Variants in RIT2 observed in about 807,000 individuals in gnomAD.
The protein encoded by RIT2 is Ras like without CAAX 2.
In RIT2, 24 loss-of-function variants were observed where a neutral mutation model predicts 23.7. The observed-to-expected ratio is 1.01, with a 90% CI of 0.73 to 1.43. The LOEUF (loss-of-function observed/expected upper bound fraction) is 1.43, where lower values mean the gene tolerates loss of function less well. Ranked by LOEUF, RIT2 falls within the 40% of genes most tolerant of loss-of-function variation. RIT2 has a pLI of 0.00. For synonymous variants in RIT2, 107 were observed against 91.1 expected, an observed-to-expected ratio of 1.17 and a Z score of -0.99; for missense variants, 236 against 266.9, an observed-to-expected ratio of 0.88 and a Z score of 0.81.
chr18:42,925,364 G>T (rs900648936), intron 3 of RIT2, among the ~76,000 whole-genome samples: 3 of 151,888 alleles, frequency 2.0e-5, no homozygotes, highest in East Asian at 1.9e-4. Context: ...GACTGAAAAT[G>T]ATAACATGTT....
chr18:43,102,118 G>T (rs1271724049), intron 1 of RIT2, among the ~76,000 whole-genome samples: 5 of 152,138 alleles, frequency 3.3e-5, no homozygotes, highest in Non-Finnish European at 7.4e-5. Context: ...TTTGAATCTA[G>T]TCCTATTTGA....
intron 4 of RIT2, among the ~76,000 whole-genome samples, chr18:42,854,254 ATAG>A (rs567631625): frequency 3.7e-4 from 56 of 152,288 alleles, no homozygotes; most frequent in Middle Eastern, 3.4e-3. Flanking sequence ...TCTCCAATCA[ATAG>A]GTCAGAGAAG....
intron 2 of RIT2, among the ~76,000 whole-genome samples, chr18:43,005,246 A>G (rs1257096473): frequency 6.6e-6 from 1 of 151,888 alleles, no homozygotes; most frequent in Non-Finnish European, 1.5e-5. Context: ...TTCAAAGGAA[A>G]TATTGTAAAC....
chr18:43,094,624 GT>G (rs1280791793), intron 1 of RIT2, among the ~76,000 whole-genome samples: 1 of 152,014 alleles, frequency 6.6e-6, no homozygotes, highest in Non-Finnish European at 1.5e-5. Flanking sequence ...TAGAATGAAT[GT>G]AGATATTATG....
chr18:42,837,169 T>C (rs996236357), intron 4 of RIT2, among the ~76,000 whole-genome samples: 1 of 103,594 alleles, frequency 9.7e-6, no homozygotes, highest in African/African-American at 4.9e-5. Context: ...TTTTTTTTTT[T>C]TTTTTTTTTT....
intron 4 of RIT2, among the ~76,000 whole-genome samples, chr18:42,851,883 C>T (rs1370305519): frequency 2.0e-5 from 3 of 152,082 alleles, no homozygotes; most frequent in Non-Finnish European, 2.9e-5. Flanking sequence ...GTAAGGGTCT[C>T]ACAGCAGTGC....
At chr18:42,867,139 T>G (rs1276097803) in intron 4 of RIT2, among the ~76,000 whole-genome samples, 1 of 152,162 alleles carries the variant, frequency 6.6e-6, no homozygotes, top group East Asian at 1.9e-4. Context: ...TGCTTTGGAT[T>G]TTTTTAGTAC....
At chr18:42,936,664 C>T (rs1909466801) in intron 3 of RIT2, among the ~76,000 whole-genome samples, 1 of 152,166 alleles carries the variant, frequency 6.6e-6, no homozygotes, top group African/African-American at 2.4e-5. Flanking sequence ...CTCTATACTA[C>T]ATGTGGCATT....
At chr18:42,869,597 T>C (rs1186544852) in intron 4 of RIT2, among the ~76,000 whole-genome samples, 1 of 152,202 alleles carries the variant, frequency 6.6e-6, no homozygotes, top group African/African-American at 2.4e-5. Flanking sequence ...CCAACATTCA[T>C]TTTTAGGCCT....
chr18:42,832,183 C>T (rs569867213), intron 4 of RIT2, among the ~76,000 whole-genome samples: 21 of 152,258 alleles, frequency 1.4e-4, no homozygotes, highest in African/African-American at 5.1e-4. Context: ...AGAGAGGCAG[C>T]TTATGGTCCA....
At chr18:42,927,875 G>T (rs1353723412) in intron 3 of RIT2, among the ~76,000 whole-genome samples, 6 of 152,024 alleles carry the variant, frequency 3.9e-5, no homozygotes, top group East Asian at 1.9e-4. Flanking sequence ...AAGAATTTTT[G>T]ATGTATCTCA....
Position 42,913,197 on chromosome 18 carries a change from C to CAA in RIT2, c.426+10373_426+10374dup, listed in dbSNP as rs200722766. Among the ~76,000 whole-genome samples, 332 of 103,304 alleles carry CAA rather than the reference C, an allele frequency of 3.2e-3. 3 individuals carry two copies. Among genetic ancestry groups the CAA allele is most frequent in the African/African-American group, 8.9e-3 (280 of 31,412 alleles). The allele number at this position is 103,304 out of a possible 152,430, so 67.8% of individuals were successfully genotyped here. ...CTGGAGCAATTAACCATCCATCAGC[C>CAA]AAAAAAAAAAAACAAATTTATACAA... On this transcript the variant is annotated intron_variant, in intron 4 of 4. Coordinates refer to ENST00000326695, the MANE Select transcript of RIT2 (RefSeq NM_002930.4).
chr18:43,052,421 G>A (rs1469350818), intron 1 of RIT2, among the ~76,000 whole-genome samples: 1 of 152,080 alleles, frequency 6.6e-6, no homozygotes, highest in Non-Finnish European at 1.5e-5. Flanking sequence ...AATTTGAAAA[G>A]AAATGATGAA....
chr18:43,041,955 T>C (rs1161983359), intron 1 of RIT2, among the ~76,000 whole-genome samples: 2 of 152,146 alleles, frequency 1.3e-5, no homozygotes, highest in Admixed American at 1.3e-4. Flanking sequence ...CATAAGATCA[T>C]ATAACTCATT....
intron 4 of RIT2, among the ~76,000 whole-genome samples, chr18:42,768,961 A>C (rs1913486966): frequency 6.6e-6 from 1 of 152,148 alleles, no homozygotes; most frequent in Admixed American, 6.5e-5. Flanking sequence ...AGGGGTAGGC[A>C]AGTAACCCAG....
chr18:42,792,908 C>A (rs945789931), intron 4 of RIT2, among the ~76,000 whole-genome samples: 19 of 152,090 alleles, frequency 1.2e-4, no homozygotes, highest in Non-Finnish European at 1.8e-4. Flanking sequence ...CCCTCCTGTG[C>A]AAAACTGCAG....
At chr18:42,793,368 T>A (rs933902738) in intron 4 of RIT2, among the ~76,000 whole-genome samples, 2 of 152,204 alleles carry the variant, frequency 1.3e-5, no homozygotes, top group African/African-American at 4.8e-5. Context: ...TTTTTAATCA[T>A]CCCTCATACA....
chr18:42,975,516 G>A lies in RIT2; in HGVS notation c.161-1369C>T, dbSNP rs188323173. ...TGGGCTGCTTTATATACACAGCCAG[G>A]ACCAAGGTCAGTGAGCCTGTTACTC... On this transcript the variant is annotated intron_variant, in intron 2 of 4. Transcript: ENST00000326695. Among the ~76,000 whole-genome samples the A allele has an allele frequency of 5.9e-5, 9 of 152,160 alleles. No individual in the cohort carries two copies. The East Asian group carries it at 1.7e-3, about 29-fold the overall frequency.
chr18:43,032,908 A>G (rs1911889729), intron 2 of RIT2, among the ~76,000 whole-genome samples: 1 of 152,142 alleles, frequency 6.6e-6, no homozygotes, highest in Non-Finnish European at 1.5e-5. Flanking sequence ...TAAGCATAAT[A>G]GAAACTAGAT....
Sources: gnomAD v4.1 joint callset for allele counts (sites outside exome capture counted in the v4.1 genomes callset) on GRCh38, gnomAD v4.1.1 for gene constraint, MANE v1.5 for transcripts, NCBI Gene and HGNC (gene_info 2026-07-23, HGNC 2026-07-21) for gene names.